EIF2S1: variants seen among roughly 807,000 people sequenced by gnomAD.
The protein encoded by EIF2S1 is eukaryotic translation initiation factor 2 subunit alpha, also known as eukaryotic translation initiation factor 2 subunit 1.
Under a neutral mutation model 33.5 loss-of-function variants are expected in EIF2S1, and 5 were observed. The observed-to-expected ratio is 0.15, with a 90% CI of 0.08 to 0.31. The LOEUF is 0.31. EIF2S1 is among the 10% of genes least tolerant of loss of function. The pLI, the probability that EIF2S1 is intolerant of heterozygous loss-of-function variation, is 1.00. For synonymous variants in EIF2S1, 99 were observed against 127.5 expected (o/e 0.78, Z 1.51); for missense variants, 191 against 384.6 (o/e 0.50, Z 4.21).
At chr14:67,362,211 G>T (rs1330050756) in intron 1 of EIF2S1, among the ~76,000 whole-genome samples, 3 of 151,572 alleles carry the variant, frequency 2.0e-5, no homozygotes, top group African/African-American at 7.3e-5. Context: ...GTAGAAATGG[G>T]GTTTCACCAT....
At chr14:67,379,654 C>CTTTTTTTTTTTTTTTTTTTT (rs541791101) in intron 4 of EIF2S1, among the ~76,000 whole-genome samples, 2 of 119,956 alleles carry the variant, frequency 1.7e-5, no homozygotes, top group African/African-American at 3.6e-5. Context: ...TTTTCTTTTT[C>CTTTTTTTTTTTTTTTTTTTT]TTTTTTTTTT....
chr14:67,371,543 A>T (rs2085821612), intron 2 of EIF2S1, among the ~76,000 whole-genome samples: 2 of 152,222 alleles, frequency 1.3e-5, no homozygotes, highest in African/African-American at 4.8e-5. Flanking sequence ...TGCTGCTTAC[A>T]TAGACCTTAT....
intron 5 of EIF2S1, among the ~76,000 whole-genome samples, chr14:67,381,026 G>C (rs1262118314): frequency 6.6e-6 from 1 of 152,060 alleles, no homozygotes; most frequent in Non-Finnish European, 1.5e-5. Flanking sequence ...TGATTGTTTT[G>C]TTTTAGTGCA....
rs2085891375 is a variant in EIF2S1, at chr14:67,382,277, C to T, written c.679-170C>T. On this transcript the variant is annotated intron_variant, in intron 6 of 7. Transcript: ENST00000256383. ...GCTTTTGCTACATTAACAAATCACCCCAAAACGTAATTGCCAATTCTGTAG... is the reference window on the plus strand; with the variant it reads ...GCTTTTGCTACATTAACAAATCACCTCAAAACGTAATTGCCAATTCTGTAG... 6.1e-6 allele frequency: 3 copies of T among 491,040 alleles called. No homozygotes were observed. In the Admixed American group the frequency reaches 1.2e-4, roughly 19 times the overall value. The allele number at this position is 491,040 out of a possible 1,614,324, so 30.4% of individuals were successfully genotyped here.
Position 67,380,713 on chromosome 14 carries a change from C to T in EIF2S1, c.528C>T (p.Leu176=). The change falls in exon 5 of 8, where the codon CTC becomes CTT. Residue 176 remains leucine, a synonymous_variant. Transcript: ENST00000256383. ...LDLNEDEREV[L]INNINRRLTP... ...TGAATGAAGATGAACGGGAAGTACT[C>T]ATTAATAATATTAATAGGCGCTTGA... is the stretch of plus-strand genomic sequence containing the variant. 1 of 1,585,130 alleles carries T rather than the reference C, an allele frequency of 6.3e-7. No individual in the cohort carries two copies. Among genetic ancestry groups the T allele is most frequent in the East Asian group, 2.3e-5 (1 of 43,178 alleles).
intron 2 of EIF2S1, among the ~76,000 whole-genome samples, chr14:67,366,761 A>G (rs751827292): frequency 3.3e-5 from 5 of 152,128 alleles, no homozygotes; most frequent in Non-Finnish European, 7.3e-5. Context: ...TATGAAAAAT[A>G]ACTACCTAAA....
intron 1 of EIF2S1, among the ~76,000 whole-genome samples, chr14:67,363,097 A>C (rs1056842548): frequency 4.3e-4 from 65 of 152,270 alleles, no homozygotes; most frequent in African/African-American, 1.5e-3. Context: ...AATGTCTTGC[A>C]ACTGTTCCAT....
intron 4 of EIF2S1, among the ~76,000 whole-genome samples, chr14:67,379,235 T>C (rs1196899481): frequency 6.6e-6 from 1 of 152,210 alleles, no homozygotes; most frequent in Non-Finnish European, 1.5e-5. Flanking sequence ...GGAGTGGAAT[T>C]GTTGGGTCAT....
rs1199255398 is a variant in EIF2S1 at position 67,385,544 on chromosome 14, G to A, written c.*2104G>A. On this transcript the variant is annotated 3_prime_UTR_variant, in exon 8 of 8. Transcript: ENST00000256383. The stretch of plus-strand genomic sequence containing the variant: ...ACTGTACCTTTCACTGATGTCAAGT[G>A]GCTATCAATTCATATAGCTGAAAAT... The A allele has an allele frequency of 6.6e-6, 1 of 151,828 alleles. No individual in the cohort carries two copies. Among genetic ancestry groups the A allele is most frequent in the Non-Finnish European group, 1.5e-5 (1 of 67,982 alleles). 9.4% of individuals were successfully genotyped at this position (151,828 alleles called of 1,614,324 possible).
intron 2 of EIF2S1, among the ~76,000 whole-genome samples, chr14:67,370,615 A>T (rs563774962): frequency 6.6e-6 from 1 of 152,314 alleles, no homozygotes; most frequent in South Asian, 2.1e-4. Flanking sequence ...AATCAGGTGA[A>T]ATTAGTGAAT....
chr14:67,381,137 T>C (rs1436950356), intron 5 of EIF2S1, among the ~76,000 whole-genome samples: 1 of 152,216 alleles, frequency 6.6e-6, no homozygotes, highest in African/African-American at 2.4e-5. Flanking sequence ...ACCCTTCCAT[T>C]GCAGAACATA....
At chr14:67,373,054 A>AT (rs1334103571) in intron 2 of EIF2S1, among the ~76,000 whole-genome samples, 2 of 152,350 alleles carry the variant, frequency 1.3e-5, no homozygotes, top group Admixed American at 1.3e-4. Flanking sequence ...ATTGAGAGAC[A>AT]TGGAGCAGTT....
rs1426764552 is a variant in EIF2S1 at position 67,384,887 on chromosome 14, G to C, written c.*1447G>C. The C allele has an allele frequency of 9.2e-5, 14 of 152,086 alleles. No homozygotes were observed. The highest frequency in any genetic ancestry group is 1.6e-4 in the Non-Finnish European group (11 of 68,020). The allele number at this position is 152,086 out of a possible 1,614,324, so 9.4% of individuals were successfully genotyped here. On this transcript the variant is annotated 3_prime_UTR_variant, in exon 8 of 8. Coordinates refer to ENST00000256383, the MANE Select transcript of EIF2S1 (RefSeq NM_004094.5). The stretch of plus-strand genomic sequence containing the variant: ...ATAATTTTCACTTCTGTCTGTTGAG[G>C]CATCAAAAAAACAAGTTTAGAAAGC...
Position 67,364,995 on chromosome 14 carries a change from G to A in EIF2S1, c.228G>A (p.Val76=). ...ATGAGTGTGTGGTTGTCATTAGGGT[G>A]GACAAAGAAAAAGGTAAGTGAGAAA... ...GRNECVVVIR[V]DKEKGYIDLS... The change falls in exon 2 of 8, where the codon GTG becomes GTA. Residue 76 remains valine (V), a synonymous_variant. Coordinates refer to ENST00000256383, the MANE Select transcript of EIF2S1 (RefSeq NM_004094.5). The A allele has an allele frequency of 6.3e-7, 1 of 1,591,832 alleles. No individual in the cohort carries two copies. The highest frequency in any genetic ancestry group is 1.7e-5 in the Admixed American group (1 of 57,446).
At chr14:67,376,616 T>G (rs2085858821) in intron 4 of EIF2S1, 26 bp downstream of exon 4, 1 of 1,605,034 alleles carries the variant, frequency 6.2e-7, no homozygotes, top group African/African-American at 1.3e-5. Context: ...TGACTCTCCT[T>G]CTACCTTGAT....
At chr14:67,370,091 A>G (rs1378178672) in intron 2 of EIF2S1, among the ~76,000 whole-genome samples, 1 of 152,286 alleles carries the variant, frequency 6.6e-6, no homozygotes, top group Non-Finnish European at 1.5e-5. Context: ...AATTAATTGC[A>G]GCAGGAACAC....
rs1436126186 is a variant in EIF2S1, at chr14:67,385,969, A to G, written c.*2529A>G. 6.6e-6 allele frequency: 1 copy of G among 152,160 alleles called. No individual in the cohort carries two copies. The highest frequency in any genetic ancestry group is 1.9e-4 in the East Asian group (1 of 5,190). The allele number at this position is 152,160 out of a possible 1,614,324, so 9.4% of individuals were successfully genotyped here. A position where few individuals can be genotyped will look rare whatever the true frequency, so the allele number is the denominator to read the frequency against. On this transcript the variant is annotated 3_prime_UTR_variant, in exon 8 of 8. Transcript: ENST00000256383. ...GGCTAGAGATTTTTTTAAAAATACAAATGCCAGTACCTTGCCGAGACTTGT... is the reference window on the plus strand; with the variant it reads ...GGCTAGAGATTTTTTTAAAAATACAGATGCCAGTACCTTGCCGAGACTTGT...
chr14:67,364,629 T>C, intron 1 of EIF2S1, 138 bp from the exon 2 acceptor site: 1 of 844,816 alleles, frequency 1.2e-6, no homozygotes, highest in Non-Finnish European at 1.7e-6. Context: ...ACTTAAGAAG[T>C]TTCAAAGGAT....
chr14:67,365,104 AAAAG>A (rs983088202), intron 2 of EIF2S1, 96 bp downstream of exon 2: 2 of 1,344,150 alleles, frequency 1.5e-6, no homozygotes, highest in African/African-American at 1.5e-5. Flanking sequence ...GCTTAAAAAA[AAAAG>A]CTCCTTTTAT....
Sources: allele counts gnomAD v4.1 joint callset (sites outside exome capture counted in the v4.1 genomes callset), GRCh38; gene constraint gnomAD v4.1.1; transcripts MANE v1.5; gene names NCBI Gene and HGNC (gene_info 2026-07-23, HGNC 2026-07-21).